The following ANO10 variants were observed in gnomAD, a reference collection of about 807,000 sequenced individuals.
ANO10 encodes anoctamin 10, also known as anoctamin-10.
In ANO10, 77 loss-of-function variants were observed where a neutral mutation model predicts 74.7. The observed-to-expected ratio is 1.03, with a 90% confidence interval of 0.86 to 1.25. The LOEUF (loss-of-function observed/expected upper bound fraction) is 1.25, where lower values mean the gene tolerates loss of function less well. Ranked by LOEUF, ANO10 falls within the 50% of genes most tolerant of loss-of-function variation. The pLI is 0.00. For synonymous variants in ANO10, 279 were observed against 284.9 expected, an observed-to-expected ratio of 0.98 and a Z score of 0.21; for missense variants, 721 against 778.1, an observed-to-expected ratio of 0.93 and a Z score of 0.87.
chr3:43,584,364 T>C (rs2081383345), intron 4 of ANO10, among the ~76,000 whole-genome samples: 1 of 152,158 alleles, frequency 6.6e-6, no homozygotes, highest in South Asian at 2.1e-4. Flanking sequence ...CATGTAGCCA[T>C]AATGTGGCTT....
At chr3:43,649,782 C>T (rs2083767576) in intron 1 of ANO10, among the ~76,000 whole-genome samples, 1 of 152,200 alleles carries the variant, frequency 6.6e-6, no homozygotes, top group South Asian at 2.1e-4. Context: ...GATGAGTTCC[C>T]TGACCCCCCT....
intron 1 of ANO10, among the ~76,000 whole-genome samples, chr3:43,652,092 G>A (rs993691075): frequency 2.0e-5 from 3 of 149,408 alleles, no homozygotes; most frequent in Non-Finnish European, 3.0e-5. Flanking sequence ...CAGATTCAAT[G>A]CAATCTATCA....
intron 12 of ANO10, chr3:43,424,758 T>C (rs1182754921): frequency 2.0e-5 from 3 of 152,362 alleles, no homozygotes; most frequent in Non-Finnish European, 2.9e-5. Flanking sequence ...ACTGCTCTCA[T>C]GTTCAACCTG....
chr3:43,514,063 G>A (rs1172783501), intron 11 of ANO10, among the ~76,000 whole-genome samples: 1 of 149,180 alleles, frequency 6.7e-6, no homozygotes, highest in East Asian at 2.0e-4. Flanking sequence ...ATAAATAATT[G>A]CAAACAAAAT....
intron 8 of ANO10, among the ~76,000 whole-genome samples, chr3:43,563,787 G>T (rs1282971071): frequency 6.6e-6 from 1 of 152,066 alleles, no homozygotes; most frequent in African/African-American, 2.4e-5. Flanking sequence ...ACTCACACTT[G>T]GGAGCTAAAA....
chr3:43,540,214 C>T (rs904996597), intron 11 of ANO10, among the ~76,000 whole-genome samples: 2 of 152,204 alleles, frequency 1.3e-5, no homozygotes, highest in Non-Finnish European at 2.9e-5. Context: ...TTTTAGCAAA[C>T]ATTTAAATGT....
intron 12 of ANO10, among the ~76,000 whole-genome samples, chr3:43,373,789 A>C (rs1224186697): frequency 6.6e-6 from 1 of 152,160 alleles, no homozygotes; most frequent in Non-Finnish European, 1.5e-5. Flanking sequence ...GAATCCTCAC[A>C]TACCAACCAA....
chr3:43,428,174 C>T (rs182709913), intron 12 of ANO10, among the ~76,000 whole-genome samples: 1 of 151,888 alleles, frequency 6.6e-6, no homozygotes, highest in Admixed American at 6.6e-5. Flanking sequence ...CTCAGCCTCC[C>T]GAGTAGCTGG....
At chr3:43,502,146 A>AT (rs1282040443) in intron 11 of ANO10, among the ~76,000 whole-genome samples, 1 of 152,172 alleles carries the variant, frequency 6.6e-6, no homozygotes, top group Non-Finnish European at 1.5e-5. Flanking sequence ...TGATCCAGTA[A>AT]TTCCACTTCT....
intron 1 of ANO10, among the ~76,000 whole-genome samples, chr3:43,652,257 TA>T (rs2083796357): frequency 6.6e-6 from 1 of 152,022 alleles, no homozygotes; most frequent in East Asian, 1.9e-4. Context: ...ACTACAAACA[TA>T]TAGTAATCAA....
At chr3:43,513,968 G>C (rs946337562) in intron 11 of ANO10, among the ~76,000 whole-genome samples, 2 of 149,950 alleles carry the variant, frequency 1.3e-5, no homozygotes, top group Non-Finnish European at 3.0e-5. Context: ...ATAGATGTTT[G>C]CTGTTTTTCT....
At chr3:43,648,673 CTT>C (rs57098436) in intron 1 of ANO10, among the ~76,000 whole-genome samples, 32 of 111,260 alleles carry the variant, frequency 2.9e-4, no homozygotes, top group African/African-American at 1.0e-3. Context: ...TTTTAGCCCG[CTT>C]TTTTTTTTTT....
intron 1 of ANO10, among the ~76,000 whole-genome samples, chr3:43,620,542 C>T (rs1248831012): frequency 6.6e-6 from 1 of 152,166 alleles, no homozygotes; most frequent in Non-Finnish European, 1.5e-5. Context: ...CTTTGGGAGG[C>T]CGAGGTGGGA....
At chr3:43,686,566 G>A (rs1395612177) in intron 1 of ANO10, among the ~76,000 whole-genome samples, 4 of 152,166 alleles carry the variant, frequency 2.6e-5, no homozygotes, top group Non-Finnish European at 4.4e-5. Context: ...GATGACAGGC[G>A]TGAGTCACCA....
intron 1 of ANO10, among the ~76,000 whole-genome samples, chr3:43,674,578 A>G (rs906088463): frequency 1.3e-5 from 2 of 152,224 alleles, no homozygotes; most frequent in African/African-American, 4.8e-5. Flanking sequence ...TTAGCCTTAA[A>G]TAGAAATGAA....
rs576340337 is a variant in ANO10 at position 43,399,509 on chromosome 3, C to T, written c.1915-32535G>A. Among the ~76,000 whole-genome samples, 274 of 152,180 alleles carry T rather than the reference C, an allele frequency of 1.8e-3. 1 individual carries two copies. The highest frequency in any genetic ancestry group is 6.3e-3 in the African/African-American group (260 of 41,512). On this transcript the variant is annotated intron_variant, in intron 12 of 12. Coordinates refer to ENST00000292246, the MANE Select transcript of ANO10 (RefSeq NM_018075.5). Reference sequence around the variant, plus strand: ...ATCTCATGATCCTTGGTGGTTTCTTCACATTTTAGAAACAAGGACTACATG... The same window carrying T: ...ATCTCATGATCCTTGGTGGTTTCTTTACATTTTAGAAACAAGGACTACATG...
At position 43,561,376 on chromosome 3, in the gene ANO10, G is replaced by T. The variant is rs1369504693; in HGVS notation, c.1320C>A (p.Ser440=). ...RQSLATLLIT[S]QILNQIMESF... ...ATTCCATAATTTGGTTGAGGATCTG[G>T]GAGGTAATTAGGAGAGTGGCCAAGC... Residue 440 remains serine, a synonymous_variant, in exon 9 of 13, where the codon TCC becomes TCA. Coordinates refer to ENST00000292246, the MANE Select transcript of ANO10 (RefSeq NM_018075.5). The T allele has an allele frequency of 6.2e-7, 1 of 1,614,004 alleles. No homozygotes were observed. The highest frequency in any genetic ancestry group is 8.5e-7 in the Non-Finnish European group (1 of 1,180,026).
At chr3:43,434,059 G>T (rs2093031100) in intron 11 of ANO10, among the ~76,000 whole-genome samples, 1 of 152,136 alleles carries the variant, frequency 6.6e-6, no homozygotes, top group Admixed American at 6.5e-5. Flanking sequence ...ATATCTCCTG[G>T]GAGAAGCATG....
At chr3:43,688,153 CTCTT>C (rs1237228419) in intron 1 of ANO10, among the ~76,000 whole-genome samples, 1 of 151,794 alleles carries the variant, frequency 6.6e-6, no homozygotes, top group Middle Eastern at 3.2e-3. Context: ...GTCTCTTTCT[CTCTT>C]TTTTTCTTTC....
Sources: allele counts gnomAD v4.1 joint callset (sites outside exome capture counted in the v4.1 genomes callset), GRCh38; gene constraint gnomAD v4.1.1; transcripts MANE v1.5; gene names NCBI Gene and HGNC (gene_info 2026-07-23, HGNC 2026-07-21).